CADM2: variants seen among roughly 807,000 people sequenced by gnomAD.
CADM2 encodes the protein immunoglobulin superfamily member 4D.
A neutral mutation model predicts 49.8 loss-of-function variants in CADM2; 12 were observed. The observed-to-expected ratio is 0.24, with a 90% CI of 0.15 to 0.39. The LOEUF is 0.39. CADM2 is among the 10% of genes least tolerant of loss of function. CADM2 has a pLI of 1.00. For synonymous variants in CADM2, 214 were observed against 175.4 expected, an observed-to-expected ratio of 1.22 and a Z score of -1.74; for missense variants, 378 against 492.3, an observed-to-expected ratio of 0.77 and a Z score of 2.20.
At chr3:85,188,042 A>G (rs995763737) in intron 1 of CADM2, among the ~76,000 whole-genome samples, 11 of 152,012 alleles carry the variant, frequency 7.2e-5, no homozygotes, top group Non-Finnish European at 1.3e-4. Context: ...ATAAATTAAT[A>G]TTTCTAGAGT....
chr3:85,145,092 T>C (rs1318548442), intron 1 of CADM2, among the ~76,000 whole-genome samples: 1 of 152,200 alleles, frequency 6.6e-6, no homozygotes, highest in South Asian at 2.1e-4. Flanking sequence ...TACTGTTCTA[T>C]GCTAAGGAAA....
At chr3:85,486,659 G>C (rs1417331758) in intron 1 of CADM2, among the ~76,000 whole-genome samples, 1 of 152,142 alleles carries the variant, frequency 6.6e-6, no homozygotes, top group East Asian at 1.9e-4. Context: ...GTTCCCAACA[G>C]ATTTGATTAT....
chr3:86,031,166 A>C (rs989287205), intron 8 of CADM2, among the ~76,000 whole-genome samples: 1 of 151,840 alleles, frequency 6.6e-6, no homozygotes, highest in East Asian at 1.9e-4. Flanking sequence ...AGAATGCCAA[A>C]TACATGATTC....
intron 1 of CADM2, among the ~76,000 whole-genome samples, chr3:85,160,701 T>A (rs1238445705): frequency 1.3e-5 from 2 of 152,196 alleles, no homozygotes; most frequent in African/African-American, 4.8e-5. Flanking sequence ...TCTTTAAGCT[T>A]GTACAAATCT....
chr3:85,676,350 T>C (rs2065886737), intron 1 of CADM2, among the ~76,000 whole-genome samples: 1 of 152,208 alleles, frequency 6.6e-6, no homozygotes, highest in African/African-American at 2.4e-5. Context: ...ATATCTGCCT[T>C]GCTGCTACCT....
At chr3:85,987,843 G>C (rs908405219) in intron 8 of CADM2, among the ~76,000 whole-genome samples, 1 of 151,224 alleles carries the variant, frequency 6.6e-6, no homozygotes, top group Admixed American at 6.6e-5. Context: ...TGTATTTCTA[G>C]AACATCTCTA....
chr3:85,880,342 A>G lies in CADM2; in HGVS notation c.239-2949A>G, dbSNP rs117996666. ...ATACTTTTTGTTTTAATAATCTTAT[A>G]TTTGAAAAAACTCAGGAGAAGGGTA... On this transcript the variant is annotated intron_variant, in intron 3 of 9. Coordinates refer to ENST00000383699, the MANE Select transcript of CADM2 (RefSeq NM_001167675.2). Among the ~76,000 whole-genome samples the G allele has an allele frequency of 3.4e-3, 514 of 152,228 alleles. 16 individuals carry two copies. In the East Asian group the frequency reaches 0.067, roughly 20 times the overall value.
chr3:85,519,706 G>A (rs2060987787), intron 1 of CADM2, among the ~76,000 whole-genome samples: 2 of 152,022 alleles, frequency 1.3e-5, no homozygotes, highest in African/African-American at 4.8e-5. Context: ...TGACTACAAT[G>A]CAATATAAAC....
At chr3:85,461,070 C>T (rs1402387998) in intron 1 of CADM2, among the ~76,000 whole-genome samples, 2 of 152,146 alleles carry the variant, frequency 1.3e-5, no homozygotes, top group Non-Finnish European at 2.9e-5. Context: ...TTTCCATTCA[C>T]AGCAAAATTC....
At chr3:85,831,354 G>C (rs756697098) in intron 3 of CADM2, among the ~76,000 whole-genome samples, 10 of 151,860 alleles carry the variant, frequency 6.6e-5, no homozygotes, top group Non-Finnish European at 1.3e-4. Context: ...CCCAGTAATG[G>C]GATTGCTGGA....
At chr3:85,768,604 A>G (rs1231100128) in intron 2 of CADM2, among the ~76,000 whole-genome samples, 1 of 148,878 alleles carries the variant, frequency 6.7e-6, no homozygotes, top group African/African-American at 2.4e-5. Context: ...ATTCATAGTA[A>G]AAAATCATAA....
intron 1 of CADM2, among the ~76,000 whole-genome samples, chr3:85,128,612 G>A (rs560047483): frequency 6.6e-6 from 1 of 152,144 alleles, no homozygotes; most frequent in Non-Finnish European, 1.5e-5. Flanking sequence ...GCATTGTCAA[G>A]ATATCTCATT....
At chr3:85,667,434 G>A (rs2107624235) in intron 1 of CADM2, among the ~76,000 whole-genome samples, 1 of 152,076 alleles carries the variant, frequency 6.6e-6, no homozygotes, top group African/African-American at 2.4e-5. Flanking sequence ...AATCCATTCA[G>A]TCAAGACTAA....
At chr3:85,117,466 T>C (rs2038679126) in intron 1 of CADM2, among the ~76,000 whole-genome samples, 1 of 152,250 alleles carries the variant, frequency 6.6e-6, no homozygotes, top group South Asian at 2.1e-4. Flanking sequence ...AAGAGCAATG[T>C]CATGAGCCAT....
intron 1 of CADM2, among the ~76,000 whole-genome samples, chr3:85,446,056 G>T (rs566704191): frequency 9.9e-5 from 15 of 152,124 alleles, no homozygotes; most frequent in Middle Eastern, 3.4e-3. Flanking sequence ...CTCCTGAGAG[G>T]TAAATAACTT....
intron 1 of CADM2, among the ~76,000 whole-genome samples, chr3:85,557,221 A>T (rs2061981784): frequency 6.6e-6 from 1 of 152,044 alleles, no homozygotes; most frequent in East Asian, 1.9e-4. Context: ...AACAACATAC[A>T]AATGTATATA....
intron 2 of CADM2, among the ~76,000 whole-genome samples, chr3:85,745,872 C>T (rs1313979566): frequency 6.6e-6 from 1 of 151,918 alleles, no homozygotes. Context: ...GTTAATTTCT[C>T]TTTTGCCTAT....
intron 1 of CADM2, among the ~76,000 whole-genome samples, chr3:85,145,469 C>T (rs1301933019): frequency 1.3e-5 from 2 of 151,372 alleles, no homozygotes; most frequent in Non-Finnish European, 2.9e-5. Flanking sequence ...AAATCACAGT[C>T]TTATATTATT....
At chr3:85,295,466 A>G (rs201355372) in intron 1 of CADM2, among the ~76,000 whole-genome samples, 2 of 152,166 alleles carry the variant, frequency 1.3e-5, no homozygotes, top group Non-Finnish European at 2.9e-5. Context: ...ACTATAAATC[A>G]TGCTGCTATA....
Sources: gnomAD v4.1 joint callset for allele counts (sites outside exome capture counted in the v4.1 genomes callset) on GRCh38, gnomAD v4.1.1 for gene constraint, MANE v1.5 for transcripts, NCBI Gene and HGNC (gene_info 2026-07-23, HGNC 2026-07-21) for gene names.